Variants in MGAT4D observed in about 807,000 individuals in gnomAD.
MGAT4D encodes the protein alpha-1,3-mannosyl-glycoprotein 4-beta-N-acetylglucosaminyltransferase-like protein MGAT4D.
A neutral mutation model predicts 15.9 loss-of-function variants in MGAT4D; 34 were observed. The ratio of observed to expected loss-of-function variants is 2.14; its 90% confidence interval spans 1.62 to 2.84. The LOEUF is 2.84. MGAT4D is among the 30% of genes most tolerant of loss of function. The probability of loss-of-function intolerance (pLI) is 0.00; values close to 1 mark genes in which losing one functional copy is unlikely to be tolerated. For synonymous variants in MGAT4D, 112 were observed against 48.2 expected (o/e 2.33, Z -5.49); for missense variants, 327 against 140.2 (o/e 2.33, Z -6.73).
intron 4 of MGAT4D, 63 bp downstream of exon 4, chr4:140,474,745 CCATTG>C: frequency 2.0e-6 from 1 of 496,182 alleles, no homozygotes; most frequent in Non-Finnish European, 3.6e-6. Context: ...ATGATTATTA[CCATTG>C]AGGAAGGGAA....
At chr4:140,496,487 A>G (rs1733845743) in intron 1 of MGAT4D, among the ~76,000 whole-genome samples, 1 of 152,196 alleles carries the variant, frequency 6.6e-6, no homozygotes, top group African/African-American at 2.4e-5. Flanking sequence ...CAAAGTCTAC[A>G]GTTTCATTAT....
At chr4:140,481,492 C>G (rs928479313) in intron 2 of MGAT4D, among the ~76,000 whole-genome samples, 2 of 152,164 alleles carry the variant, frequency 1.3e-5, no homozygotes, top group Admixed American at 1.3e-4. Flanking sequence ...TCTCTTCATA[C>G]CAAACACATG....
chr4:140,467,803 A>G (rs1037768085), intron 5 of MGAT4D, among the ~76,000 whole-genome samples: 1 of 152,082 alleles, frequency 6.6e-6, no homozygotes, highest in African/African-American at 2.4e-5. Flanking sequence ...TTACAACTCT[A>G]TAGGTTTATG....
At chr4:140,469,437 T>C (rs866285032) in intron 5 of MGAT4D, among the ~76,000 whole-genome samples, 17 of 152,356 alleles carry the variant, frequency 1.1e-4, no homozygotes, top group African/African-American at 4.1e-4. Flanking sequence ...ACATAATACT[T>C]AGTCAATTTT....
intron 1 of MGAT4D, among the ~76,000 whole-genome samples, chr4:140,483,931 G>A (rs1418388686): frequency 6.6e-6 from 1 of 152,100 alleles, no homozygotes; most frequent in Non-Finnish European, 1.5e-5. Context: ...TTAGGAAAAA[G>A]CTTATTGACC....
intron 3 of MGAT4D, among the ~76,000 whole-genome samples, chr4:140,476,413 G>A (rs1298901220): frequency 6.6e-6 from 1 of 152,136 alleles, no homozygotes; most frequent in Admixed American, 6.5e-5. Flanking sequence ...TTATCTTCAG[G>A]TCATAAAGAC....
chr4:140,452,155 G>A (rs1730514699), intron 9 of MGAT4D, among the ~76,000 whole-genome samples: 1 of 151,832 alleles, frequency 6.6e-6, no homozygotes, highest in African/African-American at 2.4e-5. Flanking sequence ...GCAATATAGT[G>A]AGACTCCATT....
At chr4:140,465,133 T>C (rs1022918711) in intron 5 of MGAT4D, 124 bp from the exon 6 acceptor site, 2 of 556,400 alleles carry the variant, frequency 3.6e-6, no homozygotes, top group African/African-American at 3.7e-5. Flanking sequence ...TTTCACATGT[T>C]GATACATGAT....
In MGAT4D at chr4:140,456,702, C is replaced by A; in HGVS notation, c.895G>T (p.Glu299Ter). The change falls in exon 9 of 11, where the codon GAG (glutamate) becomes TAG (stop). Residue 299 changes from glutamate (E) to a stop codon, truncating the protein, a stop_gained. Coordinates refer to ENST00000511113, the MANE Select transcript of MGAT4D (RefSeq NM_001277353.2). LOFTEE classifies it high-confidence loss of function. ...LGFIGKLFRS[E>*]DLTHFVRFFL... ...AACCGTACAAAGTGAGTTAAGTCCT[C>A]AGATCTAAACAGCTTTCCTATGGAA... The A allele has an allele frequency of 1.5e-6, 1 of 679,470 alleles. No individual in the cohort carries two copies. Among genetic ancestry groups the A allele is most frequent in the South Asian group, 1.6e-5 (1 of 62,248 alleles). The allele number at this position is 679,470 out of a possible 1,614,324, so 42.1% of individuals were successfully genotyped here.
At chr4:140,468,487 C>T (rs567948076) in intron 5 of MGAT4D, among the ~76,000 whole-genome samples, 183 of 152,202 alleles carry the variant, frequency 1.2e-3, no homozygotes, top group Non-Finnish European at 2.3e-3. Flanking sequence ...TACACCTTTG[C>T]CTTCTTTTTA....
At chr4:140,450,326 A>C (rs1730393326) in intron 10 of MGAT4D, among the ~76,000 whole-genome samples, 1 of 152,210 alleles carries the variant, frequency 6.6e-6, no homozygotes. Context: ...TGGCCAAAAA[A>C]TATAATGAAA....
chr4:140,463,191 ACC>A (rs958411826), intron 6 of MGAT4D, among the ~76,000 whole-genome samples: 1 of 152,072 alleles, frequency 6.6e-6, no homozygotes, highest in Non-Finnish European at 1.5e-5. Context: ...CTGGTCCCCA[ACC>A]CCAGCCCAGG....
Position 140,498,257 on chromosome 4 carries a change from A to C in MGAT4D, c.-35T>G, listed in dbSNP as rs1458396904. On this transcript the variant is annotated 5_prime_UTR_variant, in exon 1 of 11. Coordinates refer to ENST00000511113, the MANE Select transcript of MGAT4D (RefSeq NM_001277353.2). ...CAGGCTGCGGGAGGCCGGCGGGTGG[A>C]GGCGGCGGATAATGCCAGGGACGGG... 5 of 701,256 alleles carry C rather than the reference A, an allele frequency of 7.1e-6. No homozygotes were observed. The East Asian group carries it at 8.1e-5, about 11-fold the overall frequency. 43.4% of individuals were successfully genotyped at this position (701,256 alleles called of 1,614,324 possible). A position where few individuals can be genotyped will look rare whatever the true frequency, so the allele number is the denominator to read the frequency against.
intron 9 of MGAT4D, among the ~76,000 whole-genome samples, chr4:140,455,535 T>C (rs1252132529): frequency 6.6e-6 from 1 of 152,212 alleles, no homozygotes; most frequent in Non-Finnish European, 1.5e-5. Context: ...TATTTTCTAC[T>C]GTTATTGGAT....
chr4:140,465,293 G>C (rs894080422), intron 5 of MGAT4D, among the ~76,000 whole-genome samples: 2 of 152,078 alleles, frequency 1.3e-5, no homozygotes, highest in Non-Finnish European at 2.9e-5. Flanking sequence ...TCTGACATTT[G>C]AAACAATGAA....
At chr4:140,497,984 A>T (rs1018982289) in intron 1 of MGAT4D, 145 bp downstream of exon 1, 9 of 519,226 alleles carry the variant, frequency 1.7e-5, no homozygotes, top group Non-Finnish European at 2.7e-5. Context: ...GAAGGCACCG[A>T]CGCGGGCCTC....
At chr4:140,450,079 AC>A (rs1730377382) in intron 10 of MGAT4D, 1 of 349,762 alleles carries the variant, frequency 2.9e-6, no homozygotes, top group Admixed American at 4.7e-5. Flanking sequence ...TGATTTTGAT[AC>A]TTTTTAAAGC....
chr4:140,485,850 C>CAAAAAAAAAAAAAAAAAAAAAAA (rs1578712314), intron 1 of MGAT4D, among the ~76,000 whole-genome samples: 6 of 41,946 alleles, frequency 1.4e-4, no homozygotes, highest in South Asian at 1.7e-3. Context: ...AAAAAAAAAG[C>CAAAAAAAAAAAAAAAAAAAAAAA]AATGATGATA....
At chr4:140,484,282 TA>T (rs1386678780) in intron 1 of MGAT4D, among the ~76,000 whole-genome samples, 3 of 152,046 alleles carry the variant, frequency 2.0e-5, no homozygotes, top group Non-Finnish European at 2.9e-5. Context: ...GCCAAGTACA[TA>T]AAAAAGTGCT....
Sources: gnomAD v4.1 joint callset for allele counts (sites outside exome capture counted in the v4.1 genomes callset) on GRCh38, gnomAD v4.1.1 for gene constraint, MANE v1.5 for transcripts, NCBI Gene and HGNC (gene_info 2026-07-23, HGNC 2026-07-21) for gene names.